The following METTL2A variants were observed in gnomAD, a reference collection of about 807,000 sequenced individuals.
METTL2A encodes the protein tRNA N(3)-cytidine methyltransferase METTL2A.
A neutral mutation model predicts 49.4 loss-of-function variants in METTL2A; 45 were observed. The ratio of observed to expected loss-of-function variants is 0.91; its 90% CI spans 0.72 to 1.17. METTL2A has a LOEUF of 1.17. Ranked by LOEUF, METTL2A falls within the 50% of genes most tolerant of loss-of-function variation. METTL2A has a pLI of 0.00. For synonymous variants in METTL2A, 118 were observed against 167.5 expected (o/e 0.70, Z 2.28); for missense variants, 361 against 462.2 (o/e 0.78, Z 2.01).
chr17:62,432,731 GGCGGAGCTTGCAGTGA>G (rs1326917208), intron 4 of METTL2A, among the ~76,000 whole-genome samples: 6 of 152,232 alleles, frequency 3.9e-5, no homozygotes, highest in African/African-American at 1.2e-4. Context: ...GAACCTGGGA[GGCGGAGCTTGCAGTGA>G]GCGGAGATTG....
intron 4 of METTL2A, chr17:62,434,814 C>G (rs2070689911): frequency 5.3e-6 from 1 of 187,464 alleles, no homozygotes; most frequent in Admixed American, 5.3e-5. Context: ...ATAATCGCCA[C>G]TGTCAAAGCA....
chr17:62,442,310 C>G (rs551519129), intron 6 of METTL2A, among the ~76,000 whole-genome samples: 9 of 151,832 alleles, frequency 5.9e-5, no homozygotes, highest in African/African-American at 2.2e-4. Flanking sequence ...GAGTCTCACT[C>G]TGTTGCCCAG....
chr17:62,431,664 T>C (rs2070666437), intron 4 of METTL2A, among the ~76,000 whole-genome samples: 1 of 152,188 alleles, frequency 6.6e-6, no homozygotes, highest in Admixed American at 6.6e-5. Context: ...ATATAGCAGC[T>C]TTATTGAGAT....
chr17:62,433,550 G>T (rs2070680100), intron 4 of METTL2A, among the ~76,000 whole-genome samples: 1 of 151,896 alleles, frequency 6.6e-6, no homozygotes, highest in Non-Finnish European at 1.5e-5. Context: ...GACCAACCTA[G>T]TCAACATGGT....
At position 62,449,388 on chromosome 17, in the gene METTL2A, T is replaced by C. The variant is rs2070790999; in HGVS notation, c.*659T>C. The C allele has an allele frequency of 2.2e-6, 1 of 453,040 alleles. No homozygotes were observed. The highest frequency in any genetic ancestry group is 4.4e-6 in the Non-Finnish European group (1 of 226,170). The allele number at this position is 453,040 out of a possible 1,614,324, so 28.1% of individuals were successfully genotyped here. A position where few individuals can be genotyped will look rare whatever the true frequency, so the allele number is the denominator to read the frequency against. ...AGAGAGCATCAAAATGTGGTGTTCT[T>C]GTTAAGTAATTGATCGTGGTCTTCG... is the stretch of plus-strand genomic sequence containing the variant. On this transcript the variant is annotated 3_prime_UTR_variant, in exon 9 of 9. Transcript: ENST00000311506.
intron 7 of METTL2A, among the ~76,000 whole-genome samples, chr17:62,446,078 C>T (rs2070766505): frequency 1.3e-5 from 2 of 152,154 alleles, no homozygotes; most frequent in South Asian, 2.1e-4. Flanking sequence ...ATAAAAATAA[C>T]GAGTTAGTAC....
At chr17:62,437,971 CA>C (rs111441483) in intron 5 of METTL2A, among the ~76,000 whole-genome samples, 243 of 133,538 alleles carry the variant, frequency 1.8e-3, no homozygotes, top group East Asian at 2.7e-3. Context: ...GACTCCATCT[CA>C]AAAAAAAAAA....
chr17:62,450,247 C>CATTTTTTTTT lies in METTL2A; in HGVS notation c.*1518_*1519insATTTTTTTTT, dbSNP rs1396756918. The CATTTTTTTTT allele has an allele frequency of 1.6e-4, 13 of 80,518 alleles. 4 individuals are homozygous for CATTTTTTTTT. The highest frequency in any genetic ancestry group is 1.9e-4 in the Admixed American group (1 of 5,318). The allele number at this position is 80,518 out of a possible 1,614,324, so 5.0% of individuals were successfully genotyped here. The stretch of plus-strand genomic sequence containing the variant: ...TGTGATCATTATCAGTGTTAGATGC[C>CATTTTTTTTT]TTTTTTTTTTTTTTTTTTTTTTTTT... On this transcript the variant is annotated 3_prime_UTR_variant, in exon 9 of 9. Transcript: ENST00000311506.
At chr17:62,431,358 CTT>C (rs1051875246) in intron 4 of METTL2A, among the ~76,000 whole-genome samples, 1 of 145,024 alleles carries the variant, frequency 6.9e-6, no homozygotes. Flanking sequence ...TGCCTGGATC[CTT>C]TTTTTTTTTC....
chr17:62,427,457 C>T (rs2070635813), intron 3 of METTL2A, among the ~76,000 whole-genome samples: 1 of 152,184 alleles, frequency 6.6e-6, no homozygotes, highest in African/African-American at 2.4e-5. Flanking sequence ...CAGTCTATTA[C>T]AAATATTTTC....
chr17:62,430,601 C>T (rs2070658269), intron 4 of METTL2A, among the ~76,000 whole-genome samples: 1 of 152,166 alleles, frequency 6.6e-6, no homozygotes, highest in African/African-American at 2.4e-5. Context: ...TTTGTTTCTA[C>T]TACACTATTT....
At chr17:62,425,868 G>A (rs1327929592) in intron 2 of METTL2A, among the ~76,000 whole-genome samples, 9 of 151,518 alleles carry the variant, frequency 5.9e-5, no homozygotes, top group Admixed American at 2.6e-4. Flanking sequence ...GGGCGTGGTG[G>A]CAGGCGCCTG....
rs962309176 is a variant in METTL2A, at chr17:62,452,585, C to T, written c.*3856C>T. ...GCTTTCTCATATCTGATTTACTTGT[C>T]TCAATATGGACCCATGGGTATTTGA... is the stretch of plus-strand genomic sequence containing the variant. On this transcript the variant is annotated 3_prime_UTR_variant, in exon 9 of 9. Coordinates refer to ENST00000311506, the MANE Select transcript of METTL2A (RefSeq NM_181725.4). 6.6e-6 allele frequency among the ~76,000 whole-genome samples: 1 copy of T among 152,094 alleles called. No homozygotes were observed. The highest frequency in any genetic ancestry group is 1.5e-5 in the Non-Finnish European group (1 of 68,032).
Position 62,447,719 on chromosome 17 carries a change from A to G in METTL2A, c.935A>G (p.Asn312Ser), listed in dbSNP as rs1289010810. Residue 312 changes from asparagine (N) to serine (S), a missense_variant, in exon 8 of 9, where the codon AAT (asparagine) becomes AGT (serine). Asn to Ser is a conservative substitution (Grantham distance 46, BLOSUM62 1). Transcript: ENST00000311506. ...RFKKGQCLSG[N>S]FYVRGDGTRV... is the part of the protein sequence containing the mutation. ...TCTGCAGGTCAGTGTCTATCTGGAA[A>G]TTTCTACGTGAGAGGTGATGGAACC... 1.2e-6 allele frequency: 2 copies of G among 1,614,150 alleles called. No individual in the cohort carries two copies. The highest frequency in any genetic ancestry group is 1.7e-5 in the Admixed American group (1 of 60,006).
chr17:62,448,047 G>T (rs964683444), intron 8 of METTL2A, among the ~76,000 whole-genome samples: 1 of 152,180 alleles, frequency 6.6e-6, no homozygotes, highest in Non-Finnish European at 1.5e-5. Context: ...ACTCTGCAAG[G>T]CTCATCTCCA....
chr17:62,423,927 G>A lies in METTL2A; in HGVS notation c.25G>A (p.Ala9Thr). The change falls in exon 1 of 9, where the codon GCA (alanine) becomes ACA (threonine). Residue 9 changes from alanine (A) to threonine (T), a missense_variant. Ala to Thr is a moderately conservative substitution (Grantham distance 58, BLOSUM62 0). Around this residue, in one of 3 missense-constraint regions of METTL2A, gnomAD observed 150 missense variants for 170.1 expected, o/e 0.88. Coordinates refer to ENST00000311506, the MANE Select transcript of METTL2A (RefSeq NM_181725.4). ...CATGGCCGGCTCCTACCCTGAAGGTGCACCTGCAGTCCTCGCCGATAAGAG... is the reference window on the plus strand; with the variant it reads ...CATGGCCGGCTCCTACCCTGAAGGTACACCTGCAGTCCTCGCCGATAAGAG... MAGSYPEG[A>T]PAVLADKRQQ... 1.2e-6 allele frequency: 2 copies of A among 1,613,684 alleles called. No homozygotes were observed. The highest frequency in any genetic ancestry group is 1.1e-5 in the South Asian group (1 of 90,904).
rs1249127186 is a variant in METTL2A, at chr17:62,438,419, A to AT, written c.670-2198_670-2197insT. Among the ~76,000 whole-genome samples, 4 of 151,336 alleles carry AT rather than the reference A, an allele frequency of 2.6e-5. No individual in the cohort carries two copies. In the East Asian group the frequency reaches 7.8e-4, roughly 29 times the overall value. On this transcript the variant is annotated intron_variant, in intron 5 of 8. Coordinates refer to ENST00000311506, the MANE Select transcript of METTL2A (RefSeq NM_181725.4). The stretch of plus-strand genomic sequence containing the variant: ...TGAAACTCCATCTCAAAAAAAAAAA[A>AT]AAAAATACAAAAACTGGCAGGACGT...
At chr17:62,446,325 T>A (rs1451288654) in intron 7 of METTL2A, among the ~76,000 whole-genome samples, 1 of 151,864 alleles carries the variant, frequency 6.6e-6, no homozygotes, top group Non-Finnish European at 1.5e-5. Flanking sequence ...GCCTTTTTTT[T>A]TTTGAGACGG....
chr17:62,449,482 G>C lies in METTL2A; in HGVS notation c.*753G>C. The C allele has an allele frequency of 2.3e-6, 1 of 430,322 alleles. No homozygotes were observed. The highest frequency in any genetic ancestry group is 7.4e-4 in the Middle Eastern group (1 of 1,344). The allele number at this position is 430,322 out of a possible 1,614,324, so 26.7% of individuals were successfully genotyped here. ...TCCCAGCACTTTGGGAGGCCAAGGCGGGCGGATCAGCTGAGGTCAGGAGTT... is the reference window on the plus strand; with the variant it reads ...TCCCAGCACTTTGGGAGGCCAAGGCCGGCGGATCAGCTGAGGTCAGGAGTT... On this transcript the variant is annotated 3_prime_UTR_variant, in exon 9 of 9. Transcript: ENST00000311506.
Sources: allele counts gnomAD v4.1 joint callset (sites outside exome capture counted in the v4.1 genomes callset), GRCh38; gene constraint gnomAD v4.1.1; regional missense constraint gnomAD v4.1.1; transcripts MANE v1.5; gene names NCBI Gene and HGNC (gene_info 2026-07-23, HGNC 2026-07-21).